Variants in MED1 observed in about 807,000 individuals in gnomAD.
MED1 encodes mediator of RNA polymerase II transcription subunit 1.
In MED1, 17 loss-of-function variants were observed where a neutral mutation model predicts 121.3. The observed-to-expected ratio is 0.14, with a 90% CI of 0.10 to 0.21. The LOEUF (loss-of-function observed/expected upper bound fraction) is 0.21. MED1 is among the 10% of genes least tolerant of loss of function. The pLI is 1.00. For missense variants in MED1, 1,558 were observed against 1,919.4 expected (o/e 0.81, Z 3.52); for synonymous variants, 661 against 694.4 (o/e 0.95, Z 0.76).
chr17:39,427,016 G>A (rs1465242404), intron 10 of MED1, among the ~76,000 whole-genome samples: 1 of 151,854 alleles, frequency 6.6e-6, no homozygotes, highest in Non-Finnish European at 1.5e-5. Context: ...AAACTCCTGG[G>A]CTCAAGCAAT....
Position 39,440,279 on chromosome 17 carries a change from T to G in MED1, c.399+107A>C. 1 of 1,178,314 alleles carries G rather than the reference T, an allele frequency of 8.5e-7. No individual in the cohort carries two copies. Among genetic ancestry groups the G allele is most frequent in the East Asian group, 2.5e-5 (1 of 39,220 alleles). The allele number at this position is 1,178,314 out of a possible 1,614,324, so 73.0% of individuals were successfully genotyped here. ...CCCATCACATCATCTCTACAGTGGC[T>G]CATGGAAAAACCTAAACCCAAGCTA... On this transcript the variant is annotated intron_variant, in intron 5 of 16. Transcript: ENST00000300651. This position sits in a 1 kb window ranked among gnomAD's most constrained non-coding sequence, Gnocchi z 4.1.
chr17:39,432,446 T>C (rs895891435), intron 7 of MED1, among the ~76,000 whole-genome samples: 2 of 147,732 alleles, frequency 1.4e-5, no homozygotes, highest in Non-Finnish European at 3.0e-5. Flanking sequence ...GGCAAAAATA[T>C]ATATATATTT....
Position 39,409,553 on chromosome 17 carries a change from C to A in MED1, c.2668G>T (p.Gly890Trp). The change falls in exon 17 of 17, where the codon GGG (glycine) becomes TGG (tryptophan). Residue 890 changes from glycine to tryptophan, a missense_variant. Around this residue, in one of 5 missense-constraint regions of MED1, gnomAD observed 793 missense variants for 898.2 expected, o/e 0.88. Coordinates refer to ENST00000300651, the MANE Select transcript of MED1 (RefSeq NM_004774.4). Reference protein sequence around the residue: ...EEYFDESSQSGDNDDFKGFAS... With the variant: ...EEYFDESSQSWDNDDFKGFAS... ...AATCCTTTGAAATCATCATTATCCC[C>A]ACTTTGGCTGCTTTCATCAAAATAT... 1.2e-6 allele frequency: 2 copies of A among 1,614,160 alleles called. No individual in the cohort carries two copies. Among genetic ancestry groups the A allele is most frequent in the Non-Finnish European group, 1.7e-6 (2 of 1,180,026 alleles).
chr17:39,443,493 G>T (rs1832199023), intron 3 of MED1, 57 bp downstream of exon 3: 1 of 1,456,702 alleles, frequency 6.9e-7, no homozygotes, highest in Non-Finnish European at 9.6e-7. Flanking sequence ...GTATAAAATG[G>T]TCCTTCTTGA....
chr17:39,427,948 G>T (rs917921692), intron 9 of MED1, among the ~76,000 whole-genome samples, 158 bp from the exon 10 acceptor site: 1 of 152,090 alleles, frequency 6.6e-6, no homozygotes, highest in Non-Finnish European at 1.5e-5. Flanking sequence ...CAGGTGTGGT[G>T]ACTCACACCT....
At position 39,408,484 on chromosome 17, in the gene MED1, G is replaced by C; in HGVS notation, c.3737C>G (p.Ser1246Cys). Residue 1246 changes from serine to cysteine, a missense_variant, in exon 17 of 17, where the codon TCT becomes TGT. Physicochemically the swap from Ser to Cys is moderately radical, Grantham distance 112. Around this residue, in one of 5 missense-constraint regions of MED1, gnomAD observed 793 missense variants for 898.2 expected, o/e 0.88. Coordinates refer to ENST00000300651, the MANE Select transcript of MED1 (RefSeq NM_004774.4). This position sits in a 1 kb window ranked among gnomAD's most constrained non-coding sequence, Gnocchi z 4.7. ...CGAGCCTGAGGATCCTAACCCTGAA[G>C]ATGACTTCATGCCAGAGCTTGAACT... ...GTSSSSGMKS[S>C]SGLGSSGSLS... is the part of the protein sequence containing the mutation. 1 of 1,614,182 alleles carries C rather than the reference G, an allele frequency of 6.2e-7. No homozygotes were observed. Among genetic ancestry groups the C allele is most frequent in the Admixed American group, 1.7e-5 (1 of 60,008 alleles).
chr17:39,449,266 G>A (rs1349655681), intron 1 of MED1, among the ~76,000 whole-genome samples: 2 of 152,016 alleles, frequency 1.3e-5, no homozygotes, highest in Admixed American at 1.3e-4. Flanking sequence ...CTGGAGCCTT[G>A]ACCTACAGGA....
rs2048336558 is a variant in MED1 at position 39,409,591 on chromosome 17, C to T, written c.2630G>A (p.Gly877Asp). 3 of 1,614,132 alleles carry T rather than the reference C, an allele frequency of 1.9e-6. No homozygotes were observed. Among genetic ancestry groups the T allele is most frequent in the Non-Finnish European group, 2.5e-6 (3 of 1,180,034 alleles). The part of the protein sequence containing the change: ...PDLLNSQSQS[G>D]FGEEYFDESS... Reference sequence around the variant, plus strand: ...TTCATCAAAATATTCTTCTCCAAAACCACTTTGGCTCTGGCTGTTCAATAA... The same window carrying T: ...TTCATCAAAATATTCTTCTCCAAAATCACTTTGGCTCTGGCTGTTCAATAA... Residue 877 changes from glycine to aspartate, a missense_variant, in exon 17 of 17, where the codon GGT becomes GAT. By Grantham distance (94) the Gly-to-Asp change is moderately conservative. Transcript: ENST00000300651.
At chr17:39,447,086 C>CA (rs1212609399) in intron 2 of MED1, among the ~76,000 whole-genome samples, 3 of 151,982 alleles carry the variant, frequency 2.0e-5, no homozygotes, top group South Asian at 2.1e-4. Flanking sequence ...ATAACAGGGT[C>CA]ATAGTCAAAA....
intron 2 of MED1, among the ~76,000 whole-genome samples, chr17:39,447,452 T>G (rs2048739425): frequency 6.6e-6 from 1 of 151,944 alleles, no homozygotes; most frequent in Non-Finnish European, 1.5e-5. Context: ...AATATATTAT[T>G]AAATATGTTG....
rs1261038939 is a variant in MED1, at chr17:39,410,392, A to G, written c.1829T>C (p.Ile610Thr). The change falls in exon 17 of 17, where the codon ATC becomes ACC. Residue 610 changes from isoleucine (I) to threonine (T), a missense_variant. Physicochemically the swap from Ile to Thr is moderately conservative, Grantham distance 89 (BLOSUM62 -1). This residue lies in a region of MED1 where 793 missense variants were observed against 898.2 expected (regional missense o/e 0.88). Coordinates refer to ENST00000300651, the MANE Select transcript of MED1 (RefSeq NM_004774.4). Reference protein sequence around the residue: ...QNPILTSLLQITGNGGSTIGS... With the variant: ...QNPILTSLLQTTGNGGSTIGS... The stretch of plus-strand genomic sequence containing the variant: ...AATGGTAGACCCCCCGTTCCCTGTG[A>G]TTTGCAACAAACTGGTAAGAATTGG... 1 of 1,613,758 alleles carries G rather than the reference A, an allele frequency of 6.2e-7. No homozygotes were observed. The highest frequency in any genetic ancestry group is 8.5e-7 in the Non-Finnish European group (1 of 1,179,972).
intron 13 of MED1, among the ~76,000 whole-genome samples, chr17:39,422,338 ATTT>A: frequency 6.8e-6 from 1 of 147,564 alleles, no homozygotes; most frequent in East Asian, 2.1e-4. Context: ...TAATTTTTGT[ATTT>A]TTTTAGTAGA....
At position 39,408,889 on chromosome 17, in the gene MED1, G is replaced by A; in HGVS notation, c.3332C>T (p.Ser1111Leu). The A allele has an allele frequency of 6.2e-7, 1 of 1,614,134 alleles. No individual in the cohort carries two copies. Among genetic ancestry groups the A allele is most frequent in the Non-Finnish European group, 8.5e-7 (1 of 1,180,034 alleles). ...TGATTTACTGCTTTTCATCTTCCCT[G>A]AGGTGGAAGCAGATGAGGAAGAGGA... The part of the protein sequence containing the change: ...SSSSSSSAST[S>L]GKMKSSKSEG... The change falls in exon 17 of 17, where the codon TCA (serine) becomes TTA (leucine). Residue 1111 changes from serine to leucine, a missense_variant. Coordinates refer to ENST00000300651, the MANE Select transcript of MED1 (RefSeq NM_004774.4). This position sits in a 1 kb window ranked among gnomAD's most constrained non-coding sequence, Gnocchi z 4.7.
Position 39,404,631 on chromosome 17 carries a change from G to GA in MED1, c.*2843dup, listed in dbSNP as rs1175589126. The stretch of plus-strand genomic sequence containing the variant: ...GGGGGGCAGGGGAGGAGGGGAGAAG[G>GA]AAAAAAAAATGAGATTGCCCAAGGA... On this transcript the variant is annotated 3_prime_UTR_variant, in exon 17 of 17. Coordinates refer to ENST00000300651, the MANE Select transcript of MED1 (RefSeq NM_004774.4). 5 of 149,776 alleles carry GA rather than the reference G, an allele frequency of 3.3e-5. No individual in the cohort carries two copies. Among genetic ancestry groups the GA allele is most frequent in the East Asian group, 1.9e-4 (1 of 5,276 alleles). The allele number at this position is 149,776 out of a possible 1,614,324, so 9.3% of individuals were successfully genotyped here.
intron 1 of MED1, among the ~76,000 whole-genome samples, chr17:39,449,967 A>C (rs2048766481): frequency 6.7e-6 from 1 of 150,274 alleles, no homozygotes; most frequent in Admixed American, 6.7e-5. Context: ...GGCATTCACC[A>C]CCACGCCCGG....
chr17:39,449,670 C>G (rs1404889918), intron 1 of MED1, among the ~76,000 whole-genome samples: 1 of 150,930 alleles, frequency 6.6e-6, no homozygotes, highest in Non-Finnish European at 1.5e-5. Context: ...GCCACTGTGC[C>G]TGGCTAATTT....
chr17:39,410,288 G>A lies in MED1; in HGVS notation c.1933C>T (p.Leu645Phe). 6.2e-7 allele frequency: 1 copy of A among 1,614,012 alleles called. No individual in the cohort carries two copies. The highest frequency in any genetic ancestry group is 8.5e-7 in the Non-Finnish European group (1 of 1,179,990). Residue 645 changes from leucine to phenylalanine, a missense_variant, in exon 17 of 17, where the codon CTC (leucine) becomes TTC (phenylalanine). By Grantham distance (22) the Leu-to-Phe change is conservative (BLOSUM62 0). Coordinates refer to ENST00000300651, the MANE Select transcript of MED1 (RefSeq NM_004774.4). ...GGATTATCTTTAAGAAGGTTCATGA[G>A]CATCGGGTGGTTCTTGGTGTTGCCG... ...MAGNTKNHPMLMNLLKDNPAQ... is the reference protein window; with the variant it reads ...MAGNTKNHPMFMNLLKDNPAQ...
intron 2 of MED1, among the ~76,000 whole-genome samples, chr17:39,446,836 A>C (rs1276461095): frequency 1.3e-5 from 2 of 151,648 alleles, no homozygotes; most frequent in Non-Finnish European, 2.9e-5. Context: ...AGATACTAGG[A>C]GGCTGAGGTG....
At chr17:39,439,253 C>G in intron 5 of MED1, 60 bp from the exon 6 acceptor site, 1 of 1,347,268 alleles carries the variant, frequency 7.4e-7, no homozygotes, top group Non-Finnish European at 1.0e-6. Flanking sequence ...TTGAAGATAT[C>G]AAAAGCCTTT....
Sources: gnomAD v4.1 joint callset for allele counts (sites outside exome capture counted in the v4.1 genomes callset) on GRCh38, gnomAD v4.1.1 for gene constraint, gnomAD v4.1.1 regional missense constraint, Gnocchi (gnomAD v3.1) non-coding constraint, MANE v1.5 for transcripts, NCBI Gene and HGNC (gene_info 2026-07-23, HGNC 2026-07-21) for gene names.